The following ADPGK variants were observed in gnomAD, a reference collection of about 807,000 sequenced individuals.
The protein encoded by ADPGK is ADP dependent glucokinase.
In ADPGK, 26 loss-of-function variants were observed where a neutral mutation model predicts 42.4. The ratio of observed to expected loss-of-function variants is 0.61; its 90% CI spans 0.45 to 0.85. ADPGK has a LOEUF of 0.85. Ranked by LOEUF, ADPGK falls within the 40% of genes least tolerant of loss-of-function variation. The probability of loss-of-function intolerance (pLI) is 0.00; values close to 1 mark genes in which losing one functional copy is unlikely to be tolerated. For missense variants in ADPGK, 571 were observed against 627.0 expected (o/e 0.91, Z 0.95); for synonymous variants, 267 against 252.6 (o/e 1.06, Z -0.54).
chr15:72,756,524 C>T, intron 4 of ADPGK, 77 bp from the exon 5 acceptor site: 1 of 1,499,206 alleles, frequency 6.7e-7, no homozygotes, highest in Admixed American at 1.8e-5. Context: ...CACTTTCAGG[C>T]ACCTCACAGG....
In ADPGK at chr15:72,783,674, G is replaced by C. The variant is rs1004023263; in HGVS notation, c.18C>G (p.Gly6=). 6.7e-7 allele frequency: 1 copy of C among 1,501,862 alleles called. No individual in the cohort carries two copies. Among genetic ancestry groups the C allele is most frequent in the Non-Finnish European group, 8.8e-7 (1 of 1,132,390 alleles). 93.0% of individuals were successfully genotyped at this position (1,501,862 alleles called of 1,614,324 possible). MALWR[G]SAYAGFLALA... ...GCGCCAGGAAGCCCGCGTACGCGGA[G>C]CCGCGCCACAGCGCCATGGGGACCC... The change falls in exon 1 of 7, where the codon GGC becomes GGG. Residue 6 remains glycine, a synonymous_variant. Transcript: ENST00000456471.
rs752920218 is a variant in ADPGK at position 72,783,656 on chromosome 15, G to T, written c.36C>A (p.Phe12Leu). ...ALWRGSAYAGFLALAVGCVFL... is the reference protein window; with the variant it reads ...ALWRGSAYAGLLALAVGCVFL... The stretch of plus-strand genomic sequence containing the variant: ...AGACGCAGCCCACGGCCAGCGCCAG[G>T]AAGCCCGCGTACGCGGAGCCGCGCC... The change falls in exon 1 of 7, where the codon TTC becomes TTA. Residue 12 changes from phenylalanine to leucine, a missense_variant. This residue lies in a region of ADPGK where 137 missense variants were observed against 104.2 expected (regional missense o/e 1.31). Transcript: ENST00000456471. The T allele has an allele frequency of 2.4e-4, 368 of 1,508,032 alleles. No individual in the cohort carries two copies. The highest frequency in any genetic ancestry group is 2.8e-4 in the Non-Finnish European group (320 of 1,135,870). The allele number at this position is 1,508,032 out of a possible 1,614,324, so 93.4% of individuals were successfully genotyped here.
chr15:72,779,661 C>T (rs1334625560), intron 1 of ADPGK, among the ~76,000 whole-genome samples: 1 of 152,166 alleles, frequency 6.6e-6, no homozygotes, highest in Admixed American at 6.5e-5. Context: ...CCCCTTTTCA[C>T]CAGCCCCTTA....
At chr15:72,768,524 TG>T (rs2066287295) in intron 3 of ADPGK, among the ~76,000 whole-genome samples, 1 of 151,970 alleles carries the variant, frequency 6.6e-6, no homozygotes, top group African/African-American at 2.4e-5. Flanking sequence ...AAAAATTAGC[TG>T]GGCATGGTGG....
chr15:72,773,713 C>T (rs981172740), intron 2 of ADPGK, among the ~76,000 whole-genome samples: 20 of 152,150 alleles, frequency 1.3e-4, no homozygotes, highest in Admixed American at 1.2e-3. Context: ...TTAGAACTAT[C>T]GAGATTCTCT....
chr15:72,762,114 C>T (rs2066203012), intron 3 of ADPGK, among the ~76,000 whole-genome samples: 1 of 152,146 alleles, frequency 6.6e-6, no homozygotes, highest in South Asian at 2.1e-4. Context: ...TCGTGATCCA[C>T]CCGCCTTGGC....
intron 3 of ADPGK, among the ~76,000 whole-genome samples, chr15:72,765,391 C>G (rs28877358): frequency 6.6e-6 from 1 of 152,196 alleles, no homozygotes; most frequent in South Asian, 2.1e-4. Context: ...CTCAAGTGAT[C>G]TGCCCACCTC....
chr15:72,771,947 A>G lies in ADPGK; in HGVS notation c.460-102T>C. ...AAAATTAATTTATAGTCCATTTCCC[A>G]AAAACATTTTGAGGTGATTTTACAT... On this transcript the variant is annotated intron_variant, in intron 2 of 6. Transcript: ENST00000456471. The G allele has an allele frequency of 2.0e-5, 19 of 952,274 alleles. No individual in the cohort carries two copies. In the South Asian group the frequency reaches 4.4e-4, roughly 22 times the overall value. The allele number at this position is 952,274 out of a possible 1,614,324, so 59.0% of individuals were successfully genotyped here.
intron 6 of ADPGK, among the ~76,000 whole-genome samples, chr15:72,754,075 A>T (rs2066080762): frequency 7.0e-6 from 1 of 143,234 alleles, no homozygotes; most frequent in African/African-American, 2.5e-5. Context: ...ATATTACCAT[A>T]AAAAAAAAAT....
At chr15:72,779,244 GTTTTTTTTTTT>G (rs35321622) in intron 1 of ADPGK, among the ~76,000 whole-genome samples, 1 of 107,220 alleles carries the variant, frequency 9.3e-6, no homozygotes, top group Non-Finnish European at 1.8e-5. Context: ...TAGCATGAGG[GTTTTTTTTTTT>G]TTTTTTTTTT....
chr15:72,769,201 A>G (rs909236917), intron 3 of ADPGK, among the ~76,000 whole-genome samples: 3 of 152,226 alleles, frequency 2.0e-5, no homozygotes. Flanking sequence ...TAGAGATGCA[A>G]GGTTGGTTTA....
At chr15:72,777,671 C>A (rs2066406400) in intron 1 of ADPGK, among the ~76,000 whole-genome samples, 1 of 151,832 alleles carries the variant, frequency 6.6e-6, no homozygotes, top group Non-Finnish European at 1.5e-5. Flanking sequence ...GAGCAAGACT[C>A]CATCTCAAAA....
chr15:72,758,211 G>T, intron 4 of ADPGK: 3 of 1,285,158 alleles, frequency 2.3e-6, no homozygotes, highest in South Asian at 1.2e-5. Context: ...AGGCCATGCA[G>T]GGGGCAGATG....
intron 4 of ADPGK, among the ~76,000 whole-genome samples, chr15:72,758,854 G>T (rs2066151182): frequency 6.6e-6 from 1 of 152,204 alleles, no homozygotes; most frequent in African/African-American, 2.4e-5. Flanking sequence ...CACGAATCTG[G>T]AACTCATGGC....
intron 3 of ADPGK, among the ~76,000 whole-genome samples, chr15:72,769,422 T>G (rs2066301723): frequency 6.6e-6 from 1 of 152,224 alleles, no homozygotes; most frequent in Non-Finnish European, 1.5e-5. Flanking sequence ...CTCGGCTCAC[T>G]GCAACCTCCG....
Position 72,752,222 on chromosome 15 carries a change from G to T in ADPGK, c.*119C>A. ...TATGGAGTTGCCAACAGGCTGGAAT[G>T]TACCTGATACAGTTTAATCTGCTTT... is the stretch of plus-strand genomic sequence containing the variant. On this transcript the variant is annotated 3_prime_UTR_variant, in exon 7 of 7. Coordinates refer to ENST00000456471, the MANE Select transcript of ADPGK (RefSeq NM_001365225.1). The T allele has an allele frequency of 1.0e-6, 1 of 1,001,204 alleles. No homozygotes were observed. Among genetic ancestry groups the T allele is most frequent in the Non-Finnish European group, 1.4e-6 (1 of 700,740 alleles). 62.0% of individuals were successfully genotyped at this position (1,001,204 alleles called of 1,614,324 possible). A position where few individuals can be genotyped will look rare whatever the true frequency, so the allele number is the denominator to read the frequency against.
chr15:72,781,727 G>C (rs984227267), intron 1 of ADPGK, among the ~76,000 whole-genome samples: 2 of 152,112 alleles, frequency 1.3e-5, no homozygotes, highest in East Asian at 3.9e-4. Flanking sequence ...GGTCCTCGTG[G>C]GTTGTTCCTC....
At chr15:72,780,907 T>C (rs1031752580) in intron 1 of ADPGK, among the ~76,000 whole-genome samples, 7 of 151,682 alleles carry the variant, frequency 4.6e-5, no homozygotes, top group African/African-American at 9.7e-5. Context: ...TTCTACATCA[T>C]TGCCGAGTTT....
At chr15:72,782,560 T>C (rs976488543) in intron 1 of ADPGK, among the ~76,000 whole-genome samples, 1 of 134,890 alleles carries the variant, frequency 7.4e-6, no homozygotes, top group African/African-American at 2.8e-5. Context: ...CCCAAAATTA[T>C]AGCTAATATC....
Sources: allele counts gnomAD v4.1 joint callset (sites outside exome capture counted in the v4.1 genomes callset), GRCh38; gene constraint gnomAD v4.1.1; regional missense constraint gnomAD v4.1.1; transcripts MANE v1.5; gene names NCBI Gene and HGNC (gene_info 2026-07-23, HGNC 2026-07-21).